Variants in TNIP3 observed in about 807,000 individuals in gnomAD.
TNIP3 encodes the protein TNFAIP3 interacting protein 3, also known as TNFAIP3-interacting protein 3.
TNIP3 carries 34 observed loss-of-function variants against 54.1 expected under a neutral mutation model. The ratio of observed to expected loss-of-function variants is 0.63; its 90% CI spans 0.48 to 0.84. The LOEUF (loss-of-function observed/expected upper bound fraction) is 0.84, where lower values mean the gene tolerates loss of function less well. Among genes scored for constraint, TNIP3 ranks in the 40% least tolerant of loss-of-function variants. The pLI, the probability that TNIP3 is intolerant of heterozygous loss-of-function variation, is 0.00. For synonymous variants in TNIP3, 134 were observed against 136.8 expected (o/e 0.98, Z 0.14); for missense variants, 366 against 387.6 (o/e 0.94, Z 0.47).
chr4:121,188,857 T>A (rs1001839432), intron 2 of TNIP3, among the ~76,000 whole-genome samples: 4 of 152,198 alleles, frequency 2.6e-5, no homozygotes, highest in African/African-American at 7.2e-5. Context: ...ATCATGTTTT[T>A]AACTTTTTGT....
At chr4:121,213,652 T>C (rs929548441) in intron 2 of TNIP3, among the ~76,000 whole-genome samples, 1 of 149,116 alleles carries the variant, frequency 6.7e-6, no homozygotes. Context: ...GCATGAACCC[T>C]GGAGGTGGAG....
chr4:121,142,635 C>T, intron 8 of TNIP3, 91 bp downstream of exon 8: 1 of 1,195,124 alleles, frequency 8.4e-7, no homozygotes, highest in Non-Finnish European at 1.2e-6. Context: ...TGTAGGTCAC[C>T]TGTAGCAGAG....
rs1224141864 is a variant in TNIP3, at chr4:121,141,796, TCAAATGCAC to T, written c.885+11_885+19del. On this transcript the variant is annotated intron_variant, in intron 9 of 10. Transcript: ENST00000057513. ...CCAAAACAGTATACTAAGCACTTTT[TCAAATGCAC>T]TCTTACTTACTGGGTGCTCCCGTTG... 5 of 1,481,694 alleles carry T rather than the reference TCAAATGCAC, an allele frequency of 3.4e-6. No homozygotes were observed. The Admixed American group carries it at 6.8e-5, about 20-fold the overall frequency. The allele number at this position is 1,481,694 out of a possible 1,614,324, so 91.8% of individuals were successfully genotyped here.
At chr4:121,220,238 G>A (rs1726973431), upstream of TNIP3, among the ~76,000 whole-genome samples, 1 of 152,156 alleles carries the variant, frequency 6.6e-6, no homozygotes, top group South Asian at 2.1e-4. Context: ...ATTAGTTAAA[G>A]CTGGGACTCA....
intron 2 of TNIP3, among the ~76,000 whole-genome samples, chr4:121,212,700 G>A (rs942261069): frequency 3.9e-5 from 6 of 152,100 alleles, no homozygotes; most frequent in African/African-American, 9.7e-5. Flanking sequence ...ATGAATGGAC[G>A]GAAGATACAT....
intron 1 of TNIP3, chr4:121,216,525 A>G (rs369281109): frequency 2.0e-6 from 3 of 1,535,302 alleles, no homozygotes; most frequent in East Asian, 2.4e-5. Context: ...TATGAAGGAC[A>G]TGAGGCTCAG....
intron 9 of TNIP3, among the ~76,000 whole-genome samples, chr4:121,141,531 T>C (rs1385081985): frequency 6.6e-6 from 1 of 152,206 alleles, no homozygotes; most frequent in Non-Finnish European, 1.5e-5. Flanking sequence ...GAAAATGTCC[T>C]TTGGGTAGAA....
rs182128083 is a variant in TNIP3, at chr4:121,164,181, T to A, written c.-56A>T. 28 of 1,612,378 alleles carry A rather than the reference T, an allele frequency of 1.7e-5. No homozygotes were observed. Among genetic ancestry groups the A allele is most frequent in the Non-Finnish European group, 2.4e-5 (28 of 1,179,356 alleles). The stretch of plus-strand genomic sequence containing the variant: ...CAGAAAGAAAAACAGGGGAAAAGTC[T>A]CTTAAGGTATATTTTAGGGTGAGAG... On this transcript the variant is annotated 5_prime_UTR_variant, in exon 1 of 11. Transcript: ENST00000057513.
chr4:121,207,040 G>A (rs574505071), intron 2 of TNIP3, among the ~76,000 whole-genome samples: 10 of 152,246 alleles, frequency 6.6e-5, no homozygotes, highest in African/African-American at 2.4e-4. Context: ...TCAGGTAGAC[G>A]AAAATGTTTT....
chr4:121,217,891 T>C (rs1006047266), upstream of TNIP3, among the ~76,000 whole-genome samples: 3 of 152,310 alleles, frequency 2.0e-5, no homozygotes, highest in South Asian at 2.1e-4. Flanking sequence ...CAGGGAATGA[T>C]AGAATCTGAC....
At chr4:121,197,907 G>C (rs527450895) in intron 2 of TNIP3, among the ~76,000 whole-genome samples, 16 of 152,170 alleles carry the variant, frequency 1.1e-4, no homozygotes, top group Non-Finnish European at 2.2e-4. Flanking sequence ...TTTGCGCTAT[G>C]GAAAGAAAAG....
intron 1 of TNIP3, among the ~76,000 whole-genome samples, chr4:121,163,795 A>G (rs1278364388): frequency 2.0e-5 from 3 of 152,196 alleles, no homozygotes; most frequent in African/African-American, 7.2e-5. Context: ...TAAGATTTTT[A>G]TAGAACAAAA....
chr4:121,227,328 C>G (rs1360677399), intron 1 of TNIP3: 5 of 1,508,206 alleles, frequency 3.3e-6, no homozygotes. Flanking sequence ...TAAGTTACAA[C>G]CAACCCTGGT....
At chr4:121,190,964 C>T (rs920424769) in intron 2 of TNIP3, among the ~76,000 whole-genome samples, 1 of 152,152 alleles carries the variant, frequency 6.6e-6, no homozygotes, top group Non-Finnish European at 1.5e-5. Flanking sequence ...GTTACTCTCA[C>T]TACCATTTAT....
At chr4:121,225,535 C>G (rs139932469) in intron 1 of TNIP3, among the ~76,000 whole-genome samples, 1 of 152,278 alleles carries the variant, frequency 6.6e-6, no homozygotes, top group East Asian at 1.9e-4. Flanking sequence ...TCCAAACTGT[C>G]ACAACTCCAA....
At chr4:121,190,388 T>C (rs995478624) in intron 2 of TNIP3, among the ~76,000 whole-genome samples, 3 of 152,142 alleles carry the variant, frequency 2.0e-5, no homozygotes, top group African/African-American at 7.2e-5. Context: ...TATTAAGTAT[T>C]TGACAAGAGA....
chr4:121,209,192 T>C (rs961821016), intron 2 of TNIP3, among the ~76,000 whole-genome samples: 2 of 152,236 alleles, frequency 1.3e-5, no homozygotes, highest in African/African-American at 2.4e-5. Flanking sequence ...TTGGATTCTT[T>C]TCATCTGGCT....
intron 3 of TNIP3, among the ~76,000 whole-genome samples, chr4:121,158,348 T>C (rs1579408784): frequency 6.6e-6 from 1 of 152,212 alleles, no homozygotes; most frequent in Admixed American, 6.5e-5. Context: ...AAACCATATC[T>C]CACCTCACAT....
intron 3 of TNIP3, among the ~76,000 whole-genome samples, chr4:121,172,182 A>G (rs948471737): frequency 2.6e-5 from 4 of 152,272 alleles, no homozygotes; most frequent in Admixed American, 2.0e-4. Flanking sequence ...CCACCATGGT[A>G]CACGGCTGTG....
Sources: allele counts gnomAD v4.1 joint callset (sites outside exome capture counted in the v4.1 genomes callset), GRCh38; gene constraint gnomAD v4.1.1; transcripts MANE v1.5; gene names NCBI Gene and HGNC (gene_info 2026-07-23, HGNC 2026-07-21).